CCBE1: variants seen among roughly 807,000 people sequenced by gnomAD.
CCBE1 encodes the protein collagen and calcium-binding EGF domain-containing protein 1.
In CCBE1, 37 loss-of-function variants were observed where a neutral mutation model predicts 50.0. The observed-to-expected ratio is 0.74, with a 90% confidence interval of 0.57 to 0.97. The LOEUF is 0.97. CCBE1 is among the 50% of genes least tolerant of loss of function. The pLI is 0.00. For synonymous variants in CCBE1, 234 were observed against 203.7 expected (o/e 1.15, Z -1.27); for missense variants, 538 against 523.8 (o/e 1.03, Z -0.26).
chr18:59,602,821 T>C (rs1256440905), intron 2 of CCBE1, among the ~76,000 whole-genome samples: 1 of 152,144 alleles, frequency 6.6e-6, no homozygotes, highest in East Asian at 1.9e-4. Flanking sequence ...TGCTATGCGC[T>C]CTGACAAAAC....
At chr18:59,674,500 A>C (rs1328785363) in intron 2 of CCBE1, among the ~76,000 whole-genome samples, 3 of 152,204 alleles carry the variant, frequency 2.0e-5, no homozygotes, top group Non-Finnish European at 2.9e-5. Context: ...GGACAGCATT[A>C]GGAAAAATAC....
intron 2 of CCBE1, among the ~76,000 whole-genome samples, chr18:59,687,687 G>A (rs2054674547): frequency 6.6e-6 from 1 of 152,200 alleles, no homozygotes; most frequent in African/African-American, 2.4e-5. Context: ...TTTAGGCTGG[G>A]TTCAAGTGGC....
rs2052652646 is a variant in CCBE1, at chr18:59,556,119, T to C, written c.213-75881A>G. Among the ~76,000 whole-genome samples the C allele has an allele frequency of 2.0e-5, 3 of 152,190 alleles. 1 individual carries two copies. The highest frequency in any genetic ancestry group is 2.0e-4 in the Admixed American group (3 of 15,282). ...CAGGACCTCTGTTCCTCCTTCCTGA[T>C]ATCCAGCCTCCAGCTTGGTTCCTGC... On this transcript the variant is annotated intron_variant, in intron 2 of 10. Transcript: ENST00000439986.
intron 2 of CCBE1, among the ~76,000 whole-genome samples, chr18:59,527,374 T>G (rs1429692453): frequency 6.6e-6 from 1 of 152,234 alleles, no homozygotes; most frequent in Non-Finnish European, 1.5e-5. Flanking sequence ...TCCATTATTT[T>G]GAGCCTACAT....
intron 2 of CCBE1, among the ~76,000 whole-genome samples, chr18:59,624,509 C>T (rs2053753619): frequency 1.3e-5 from 2 of 152,186 alleles, no homozygotes; most frequent in Non-Finnish European, 2.9e-5. Context: ...TCAATATACT[C>T]CAGGGACTAA....
At chr18:59,505,730 A>C (rs1267756012) in intron 2 of CCBE1, among the ~76,000 whole-genome samples, 1 of 152,236 alleles carries the variant, frequency 6.6e-6, no homozygotes, top group Non-Finnish European at 1.5e-5. Context: ...TTCTACAGTT[A>C]AACACTACAT....
chr18:59,611,754 A>AT (rs578129159), intron 2 of CCBE1, among the ~76,000 whole-genome samples: 284 of 152,080 alleles, frequency 1.9e-3, no homozygotes, highest in African/African-American at 6.6e-3. Flanking sequence ...TTAAAAAAAA[A>AT]AATAAAAAAA....
chr18:59,670,944 C>T (rs745609288), intron 2 of CCBE1, among the ~76,000 whole-genome samples: 1 of 152,040 alleles, frequency 6.6e-6, no homozygotes, highest in Admixed American at 6.6e-5. Context: ...GTGAAACTGT[C>T]TCAAAAAAAT....
chr18:59,552,943 C>A (rs1395644548), intron 2 of CCBE1, among the ~76,000 whole-genome samples: 1 of 152,136 alleles, frequency 6.6e-6, no homozygotes, highest in African/African-American at 2.4e-5. Flanking sequence ...AGATATAAAA[C>A]AGTAACACTG....
chr18:59,487,468 C>A (rs972893052), intron 2 of CCBE1, among the ~76,000 whole-genome samples: 2 of 127,076 alleles, frequency 1.6e-5, no homozygotes, highest in Non-Finnish European at 3.3e-5. Flanking sequence ...TACACTACAT[C>A]CCCCAAGAAC....
rs10551471 is a variant in CCBE1 at position 59,504,384 on chromosome 18, C to CT, written c.213-24147dup. The stretch of plus-strand genomic sequence containing the variant: ...TAGTATCTGATCCTAGAATGTCTTC[C>CT]TTTTTTTTTTTTTTTTTAAAGCCCA... On this transcript the variant is annotated intron_variant, in intron 2 of 10. Transcript: ENST00000439986. Among the ~76,000 whole-genome samples, 1,287 of 143,172 alleles carry CT rather than the reference C, an allele frequency of 9.0e-3. 20 individuals carry two copies. Among genetic ancestry groups the CT allele is most frequent in the African/African-American group, 0.028 (1,071 of 38,752 alleles). 93.9% of individuals were successfully genotyped at this position (143,172 alleles called of 152,430 possible). A position where few individuals can be genotyped will look rare whatever the true frequency, so the allele number is the denominator to read the frequency against.
At chr18:59,674,500 AG>A (rs1568267216) in intron 2 of CCBE1, among the ~76,000 whole-genome samples, 3 of 152,322 alleles carry the variant, frequency 2.0e-5, no homozygotes, top group Admixed American at 2.0e-4. Flanking sequence ...GGACAGCATT[AG>A]GAAAAATACC....
At chr18:59,555,265 C>T (rs1032705484) in intron 2 of CCBE1, among the ~76,000 whole-genome samples, 22 of 152,124 alleles carry the variant, frequency 1.4e-4, no homozygotes, top group Admixed American at 1.3e-3. Context: ...GTTTAAAAGA[C>T]CATATGGGTC....
chr18:59,598,291 G>C (rs1340387634), intron 2 of CCBE1, among the ~76,000 whole-genome samples: 1 of 152,196 alleles, frequency 6.6e-6, no homozygotes, highest in Admixed American at 6.5e-5. Context: ...CCCCACCTCT[G>C]TTGTGATACA....
At position 59,432,811 on chromosome 18, in the gene CCBE1, G is replaced by A. The variant is rs1271123038; in HGVS notation, c.*3097C>T. On this transcript the variant is annotated 3_prime_UTR_variant, in exon 11 of 11. Coordinates refer to ENST00000439986, the MANE Select transcript of CCBE1 (RefSeq NM_133459.4). ...AGCCTATGGCCAAACATGCAGTTTGGTTGCATTTTATGAGCATTTCACAAT... is the reference window on the plus strand; with the variant it reads ...AGCCTATGGCCAAACATGCAGTTTGATTGCATTTTATGAGCATTTCACAAT... The A allele has an allele frequency of 2.0e-5, 3 of 151,896 alleles. No homozygotes were observed. Among genetic ancestry groups the A allele is most frequent in the Non-Finnish European group, 4.4e-5 (3 of 67,994 alleles). 9.4% of individuals were successfully genotyped at this position (151,896 alleles called of 1,614,324 possible). A position where few individuals can be genotyped will look rare whatever the true frequency, so the allele number is the denominator to read the frequency against.
chr18:59,583,680 T>TGCGCGCGCGC (rs35460738), intron 2 of CCBE1, among the ~76,000 whole-genome samples: 1 of 59,346 alleles, frequency 1.7e-5, no homozygotes, highest in Non-Finnish European at 4.4e-5. Context: ...TGTGTGTGTG[T>TGCGCGCGCGC]GCGCGCGCGC....
intron 5 of CCBE1, among the ~76,000 whole-genome samples, chr18:59,455,718 G>A (rs1358704755): frequency 6.6e-6 from 1 of 152,230 alleles, no homozygotes; most frequent in Non-Finnish European, 1.5e-5. Flanking sequence ...CCAGCCACCT[G>A]GGTCACCTTG....
chr18:59,671,690 C>A (rs181786938), intron 2 of CCBE1, among the ~76,000 whole-genome samples: 44 of 151,396 alleles, frequency 2.9e-4, no homozygotes, highest in African/African-American at 1.0e-3. Context: ...TCACTTGGAA[C>A]AACTGTGTTG....
At chr18:59,438,189 A>G (rs368843494) in intron 9 of CCBE1, 43 bp from the exon 10 acceptor site, 289 of 1,574,818 alleles carry the variant, frequency 1.8e-4, no homozygotes, top group Non-Finnish European at 2.5e-4. Context: ...GAGCACATGG[A>G]TATCACAAGA....
Sources: allele counts gnomAD v4.1 joint callset (sites outside exome capture counted in the v4.1 genomes callset), GRCh38; gene constraint gnomAD v4.1.1; transcripts MANE v1.5; gene names NCBI Gene and HGNC (gene_info 2026-07-23, HGNC 2026-07-21).